Variants in SCN2B observed in about 807,000 individuals in gnomAD.
SCN2B encodes sodium channel regulatory subunit beta-2.
Under a neutral mutation model 18.2 loss-of-function variants are expected in SCN2B, and 14 were observed. That is an observed-to-expected ratio of 0.77 (90% CI 0.51 to 1.21). The LOEUF (loss-of-function observed/expected upper bound fraction) is 1.21. Ranked by LOEUF, SCN2B falls within the 50% of genes most tolerant of loss-of-function variation. The pLI, the probability that SCN2B is intolerant of heterozygous loss-of-function variation, is 0.00. For missense variants in SCN2B, 262 were observed against 286.9 expected, an observed-to-expected ratio of 0.91 and a Z score of 0.63; for synonymous variants, 115 against 115.3, an observed-to-expected ratio of 1.00 and a Z score of 0.02.
chr11:118,171,023 C>T (rs1266781764), intron 1 of SCN2B, among the ~76,000 whole-genome samples: 1 of 152,070 alleles, frequency 6.6e-6, no homozygotes, highest in African/African-American at 2.4e-5. Flanking sequence ...GGGAAATCAA[C>T]ATCTGCCTGG....
chr11:118,173,429 G>T (rs11216790), intron 1 of SCN2B, among the ~76,000 whole-genome samples: 9,583 of 152,212 alleles, frequency 0.063, 335 homozygotes, highest in East Asian at 0.14. Context: ...CATTGTCCTT[G>T]TCCTCACCCC....
intron 1 of SCN2B, among the ~76,000 whole-genome samples, chr11:118,170,560 G>C (rs1295481635): frequency 6.6e-6 from 1 of 152,156 alleles, no homozygotes; most frequent in East Asian, 1.9e-4. Context: ...TGTGATAGGA[G>C]GTCCCTGCAG....
rs777194638 is a variant in SCN2B at position 118,168,686 on chromosome 11, C to A, written c.136G>T (p.Ala46Ser). 2 of 1,614,198 alleles carry A rather than the reference C, an allele frequency of 1.2e-6. No homozygotes were observed. The highest frequency in any genetic ancestry group is 8.5e-7 in the Non-Finnish European group (1 of 1,180,028). ...ATLNVLNGSD[A>S]RLPCTFNSCY... ...GAGTTGAAGGTGCAGGGCAGGCGGG[C>A]GTCAGAGCCATTGAGGACGTTGAGG... Residue 46 changes from alanine (A) to serine (S), a missense_variant, in exon 2 of 4, where the codon GCC (alanine) becomes TCC (serine). Transcript: ENST00000278947. The surrounding 1 kb of genome is among the most constrained non-coding windows in gnomAD (Gnocchi z 4.7).
At chr11:118,175,054 T>C (rs1478521288) in intron 1 of SCN2B, among the ~76,000 whole-genome samples, 1 of 152,224 alleles carries the variant, frequency 6.6e-6, no homozygotes, top group Non-Finnish European at 1.5e-5. Context: ...TAGTCATCTG[T>C]TTCCTCCCTG....
chr11:118,170,208 A>T (rs1265678957), intron 1 of SCN2B, among the ~76,000 whole-genome samples: 1 of 152,182 alleles, frequency 6.6e-6, no homozygotes, highest in Non-Finnish European at 1.5e-5. Context: ...ATCAACAAGG[A>T]AAAAAATCAT....
At chr11:118,171,998 T>C (rs651825) in intron 1 of SCN2B, among the ~76,000 whole-genome samples, 6 of 151,976 alleles carry the variant, frequency 3.9e-5, no homozygotes, top group Non-Finnish European at 5.9e-5. Flanking sequence ...CCTAATCCAA[T>C]ATCTCCACGT....
chr11:118,166,835 G>T lies in SCN2B; in HGVS notation c.*52C>A. The T allele has an allele frequency of 6.2e-7, 1 of 1,605,468 alleles. No homozygotes were observed. Among genetic ancestry groups the T allele is most frequent in the Non-Finnish European group, 8.5e-7 (1 of 1,175,066 alleles). ...AGCGAGCAGGCAGGGTCACTGTACA[G>T]GGCGGAGAGGGGAGGAGACGGGACA... On this transcript the variant is annotated 3_prime_UTR_variant, in exon 4 of 4. Coordinates refer to ENST00000278947, the MANE Select transcript of SCN2B (RefSeq NM_004588.5).
intron 1 of SCN2B, among the ~76,000 whole-genome samples, chr11:118,171,802 C>T (rs180926793): frequency 2.6e-5 from 4 of 152,352 alleles, no homozygotes; most frequent in Admixed American, 2.0e-4. Flanking sequence ...CACGCGTGCC[C>T]TCTAGTGGTC....
Position 118,165,230 on chromosome 11 carries a change from G to T in SCN2B, c.*1657C>A, listed in dbSNP as rs538186940. ...CCACTGGGAAAATGATGGCTCTGTT[G>T]CTTCAAACTGGAGACTGAGGAGCCA... On this transcript the variant is annotated 3_prime_UTR_variant, in exon 4 of 4. Transcript: ENST00000278947. 1 of 152,738 alleles carries T rather than the reference G, an allele frequency of 6.5e-6. No homozygotes were observed. Among genetic ancestry groups the T allele is most frequent in the Non-Finnish European group, 1.5e-5 (1 of 68,038 alleles). The allele number at this position is 152,738 out of a possible 1,614,324, so 9.5% of individuals were successfully genotyped here.
Position 118,168,463 on chromosome 11 carries a change from C to T in SCN2B, c.237+122G>A, listed in dbSNP as rs961474201. ...CCTTGTTTCAAGAGCCTCCAGAGCA[C>T]GCAGCCCACCCAGGGTCCTCTGGGG... On this transcript the variant is annotated intron_variant, in intron 2 of 3. Transcript: ENST00000278947. The surrounding 1 kb of genome is among the most constrained non-coding windows in gnomAD (Gnocchi z 4.7). 7.8e-5 allele frequency: 109 copies of T among 1,403,716 alleles called. 1 individual carries two copies. The highest frequency in any genetic ancestry group is 7.7e-4 in the African/African-American group (54 of 70,080). The allele number at this position is 1,403,716 out of a possible 1,614,324, so 87.0% of individuals were successfully genotyped here. A position where few individuals can be genotyped will look rare whatever the true frequency, so the allele number is the denominator to read the frequency against.
At chr11:118,173,050 C>G (rs1417931959) in intron 1 of SCN2B, among the ~76,000 whole-genome samples, 1 of 152,130 alleles carries the variant, frequency 6.6e-6, no homozygotes. Flanking sequence ...CCCGGCCACT[C>G]CAGTCCATCC....
Position 118,176,515 on chromosome 11 carries a change from ATGCT to A in SCN2B, c.-88_-85del. On this transcript the variant is annotated 5_prime_UTR_variant, in exon 1 of 4. It introduces an in-frame stop codon into an upstream open reading frame of the 5' UTR. Coordinates refer to ENST00000278947, the MANE Select transcript of SCN2B (RefSeq NM_004588.5). The stretch of plus-strand genomic sequence containing the variant: ...AGAACTACAAGGGAGGAATGGTTGG[ATGCT>A]AAAAAAAAATGCACGGATGTACTTC... 1.0e-6 allele frequency: 1 copy of A among 992,936 alleles called. No homozygotes were observed. The highest frequency in any genetic ancestry group is 1.7e-5 in the Admixed American group (1 of 57,740). 61.5% of individuals were successfully genotyped at this position (992,936 alleles called of 1,614,324 possible). A position where few individuals can be genotyped will look rare whatever the true frequency, so the allele number is the denominator to read the frequency against.
Position 118,166,554 on chromosome 11 carries a change from G to A in SCN2B, c.*333C>T, listed in dbSNP as rs1414863403. ...GCCAAGCACTGGGCAGGTGGACAGC[G>A]GCCCCCTCCTCTACCCCTGCCCACC... On this transcript the variant is annotated 3_prime_UTR_variant, in exon 4 of 4. Coordinates refer to ENST00000278947, the MANE Select transcript of SCN2B (RefSeq NM_004588.5). The A allele has an allele frequency of 1.5e-5, 6 of 398,816 alleles. No individual in the cohort carries two copies. Among genetic ancestry groups the A allele is most frequent in the South Asian group, 4.5e-5 (2 of 44,354 alleles). The allele number at this position is 398,816 out of a possible 1,614,324, so 24.7% of individuals were successfully genotyped here.
At position 118,166,677 on chromosome 11, in the gene SCN2B, G is replaced by A. The variant is rs1000841974; in HGVS notation, c.*210C>T. 84 of 619,110 alleles carry A rather than the reference G, an allele frequency of 1.4e-4. 1 individual carries two copies. Among genetic ancestry groups the A allele is most frequent in the South Asian group, 1.1e-3 (59 of 53,058 alleles). The allele number at this position is 619,110 out of a possible 1,614,324, so 38.4% of individuals were successfully genotyped here. ...TCTCTCCTCTCCCCAGGGCCCACACGTCCCAGAGCATGGCAGGTTTCTCGG... is the reference window on the plus strand; with the variant it reads ...TCTCTCCTCTCCCCAGGGCCCACACATCCCAGAGCATGGCAGGTTTCTCGG... On this transcript the variant is annotated 3_prime_UTR_variant, in exon 4 of 4. Coordinates refer to ENST00000278947, the MANE Select transcript of SCN2B (RefSeq NM_004588.5).
intron 3 of SCN2B, 105 bp from the exon 4 acceptor site, chr11:118,167,191 C>G: frequency 8.2e-7 from 1 of 1,215,158 alleles, no homozygotes; most frequent in South Asian, 1.4e-5. Context: ...TTACTCTCCT[C>G]CACAGACAGG....
chr11:118,174,147 C>T (rs1215400597), intron 1 of SCN2B, among the ~76,000 whole-genome samples: 2 of 108,338 alleles, frequency 1.8e-5, no homozygotes, highest in South Asian at 5.9e-4. Flanking sequence ...GCTATGTTGT[C>T]CAGGCTGGTC....
intron 3 of SCN2B, 63 bp from the exon 4 acceptor site, chr11:118,167,149 C>T (rs1591444337): frequency 6.5e-7 from 1 of 1,531,888 alleles, no homozygotes; most frequent in Non-Finnish European, 8.9e-7. Flanking sequence ...CATCACCCCA[C>T]TACCCGTGGC....
chr11:118,174,547 C>A (rs916957753), intron 1 of SCN2B, among the ~76,000 whole-genome samples: 1 of 152,124 alleles, frequency 6.6e-6, no homozygotes, highest in Non-Finnish European at 1.5e-5. Context: ...ACTGTCAACT[C>A]GGCCCTCAGC....
In SCN2B at chr11:118,164,262, G is replaced by A. The variant is rs1001128989; in HGVS notation, c.*2625C>T. ...CCTGGGAGAGAAGGACACTTAAAGG[G>A]TGACCAAAAAAATGAAATCTGCAAG... is the stretch of plus-strand genomic sequence containing the variant. On this transcript the variant is annotated 3_prime_UTR_variant, in exon 4 of 4. Transcript: ENST00000278947. 24 of 152,564 alleles carry A rather than the reference G, an allele frequency of 1.6e-4. No homozygotes were observed. Among genetic ancestry groups the A allele is most frequent in the Admixed American group, 1.6e-3 (24 of 15,284 alleles). The allele number at this position is 152,564 out of a possible 1,614,324, so 9.5% of individuals were successfully genotyped here.
Sources: allele counts gnomAD v4.1 joint callset (sites outside exome capture counted in the v4.1 genomes callset), GRCh38; gene constraint gnomAD v4.1.1; non-coding constraint Gnocchi (gnomAD v3.1); transcripts MANE v1.5; gene names NCBI Gene and HGNC (gene_info 2026-07-23, HGNC 2026-07-21).